MAN1A1: variants seen among roughly 807,000 people sequenced by gnomAD.
MAN1A1 encodes the protein mannosyl-oligosaccharide 1,2-alpha-mannosidase IA.
In MAN1A1, 29 loss-of-function variants were observed where a neutral mutation model predicts 70.8. The ratio of observed to expected loss-of-function variants is 0.41; its 90% confidence interval spans 0.31 to 0.56. The LOEUF (loss-of-function observed/expected upper bound fraction) is 0.56. MAN1A1 is among the 20% of genes least tolerant of loss of function. The pLI, the probability that MAN1A1 is intolerant of heterozygous loss-of-function variation, is 0.29. For missense variants in MAN1A1, 747 were observed against 841.3 expected, an observed-to-expected ratio of 0.89 and a Z score of 1.39; for synonymous variants, 349 against 330.1, an observed-to-expected ratio of 1.06 and a Z score of -0.62.
rs79376304 is a variant in MAN1A1, at chr6:119,192,086, T to C, written c.1326+1691A>G. The stretch of plus-strand genomic sequence containing the variant: ...CTGTCAATGATTTGTCTGAATACAA[T>C]ATACTAAAAGTTGTGTGGGTATGGT... On this transcript the variant is annotated intron_variant, in intron 9 of 12. Transcript: ENST00000368468. Among the ~76,000 whole-genome samples the C allele has an allele frequency of 2.8e-3, 422 of 152,298 alleles. 4 individuals carry two copies. The highest frequency in any genetic ancestry group is 9.4e-3 in the African/African-American group (389 of 41,570).
At position 119,199,753 on chromosome 6, in the gene MAN1A1, A is replaced by AG. The variant is rs1470128651; in HGVS notation, c.1210+1500_1210+1501insC. On this transcript the variant is annotated intron_variant, in intron 8 of 12. Coordinates refer to ENST00000368468, the MANE Select transcript of MAN1A1 (RefSeq NM_005907.4). ...ACCTTCTCTCTACCAAAAAAAAAAA[A>AG]AATTAAAAATTGGCTGAGCATGGCA... Among the ~76,000 whole-genome samples the AG allele has an allele frequency of 1.4e-3, 209 of 151,856 alleles. 1 individual carries two copies. The highest frequency in any genetic ancestry group is 4.9e-3 in the African/African-American group (201 of 41,422).
chr6:119,307,005 A>AT lies in MAN1A1; in HGVS notation c.604-14dup. On this transcript the variant is annotated splice_polypyrimidine_tract_variant and intron_variant, in intron 2 of 12. Transcript: ENST00000368468. Reference sequence around the variant, plus strand: ...CATGTTTCATCATCTGAAAAAAAAAATAAAAACAGGATTATAATTTGAATG... The same window carrying AT: ...CATGTTTCATCATCTGAAAAAAAAAATTAAAAACAGGATTATAATTTGAATG... The AT allele has an allele frequency of 6.7e-7, 1 of 1,503,044 alleles. No homozygotes were observed. Among genetic ancestry groups the AT allele is most frequent in the Non-Finnish European group, 9.2e-7 (1 of 1,082,270 alleles). The allele number at this position is 1,503,044 out of a possible 1,614,324, so 93.1% of individuals were successfully genotyped here.
chr6:119,213,724 T>C (rs1774115556), intron 6 of MAN1A1, among the ~76,000 whole-genome samples: 1 of 152,208 alleles, frequency 6.6e-6, no homozygotes, highest in South Asian at 2.1e-4. Context: ...AGTTACATAA[T>C]AGATGCCATT....
At chr6:119,285,930 T>C (rs1038454904) in intron 5 of MAN1A1, among the ~76,000 whole-genome samples, 1 of 152,226 alleles carries the variant, frequency 6.6e-6, no homozygotes, top group Non-Finnish European at 1.5e-5. Context: ...ACCAGATTGC[T>C]GTTAATGCTC....
intron 9 of MAN1A1, 103 bp downstream of exon 9, chr6:119,193,674 T>C (rs1033789992): frequency 1.6e-5 from 10 of 640,746 alleles, no homozygotes; most frequent in East Asian, 5.8e-5. Context: ...GGAAATACTT[T>C]GTAACTCACT....
At chr6:119,268,434 G>GTT (rs139496159) in intron 5 of MAN1A1, among the ~76,000 whole-genome samples, 1 of 148,986 alleles carries the variant, frequency 6.7e-6, no homozygotes, top group Non-Finnish European at 1.5e-5. Flanking sequence ...GTCCCCAAGT[G>GTT]TTTTTTTTTT....
intron 2 of MAN1A1, among the ~76,000 whole-genome samples, chr6:119,315,689 T>TA (rs1307823514): frequency 6.6e-6 from 1 of 152,214 alleles, no homozygotes; most frequent in African/African-American, 2.4e-5. Context: ...ACTCAAAAGT[T>TA]AGAGGTCAGA....
At chr6:119,246,426 G>A (rs1019162160) in intron 6 of MAN1A1, among the ~76,000 whole-genome samples, 3 of 152,046 alleles carry the variant, frequency 2.0e-5, no homozygotes, top group Non-Finnish European at 4.4e-5. Context: ...TATGTTCATC[G>A]GAATCTGAAA....
At chr6:119,213,792 T>C (rs529635354) in intron 6 of MAN1A1, among the ~76,000 whole-genome samples, 147 of 152,360 alleles carry the variant, frequency 9.6e-4, no homozygotes, top group African/African-American at 3.4e-3. Context: ...CATATCACGG[T>C]AATCCATTAT....
intron 2 of MAN1A1, among the ~76,000 whole-genome samples, chr6:119,348,102 C>T (rs1191935241): frequency 6.6e-6 from 1 of 152,178 alleles, no homozygotes; most frequent in Non-Finnish European, 1.5e-5. Flanking sequence ...CAATCCTTAC[C>T]AGGGGGCTGA....
chr6:119,349,134 G>A lies in MAN1A1; in HGVS notation c.-69C>T, dbSNP rs1773831267. 4 of 1,256,972 alleles carry A rather than the reference G, an allele frequency of 3.2e-6. No individual in the cohort carries two copies. The highest frequency in any genetic ancestry group is 4.0e-6 in the Non-Finnish European group (4 of 1,003,352). The allele number at this position is 1,256,972 out of a possible 1,614,324, so 77.9% of individuals were successfully genotyped here. A position where few individuals can be genotyped will look rare whatever the true frequency, so the allele number is the denominator to read the frequency against. On this transcript the variant is annotated 5_prime_UTR_variant, in exon 2 of 13. Transcript: ENST00000368468. ...CAAACTTCGCCGCCGCTGGGAGTCC[G>A]CGGCTGCGGGGCTGGGTCCTGCGTA...
chr6:119,195,616 G>A (rs997631539), intron 8 of MAN1A1, among the ~76,000 whole-genome samples: 2 of 152,136 alleles, frequency 1.3e-5, no homozygotes, highest in Non-Finnish European at 2.9e-5. Flanking sequence ...AACCAAGAGG[G>A]CAGAGACCAG....
At chr6:119,182,502 C>G (rs1773179093) in intron 11 of MAN1A1, among the ~76,000 whole-genome samples, 1 of 149,886 alleles carries the variant, frequency 6.7e-6, no homozygotes, top group Admixed American at 6.6e-5. Context: ...ACATTTAAGT[C>G]TTTAATTCAT....
At chr6:119,194,841 T>C (rs79295477) in intron 8 of MAN1A1, among the ~76,000 whole-genome samples, 5 of 15,634 alleles carry the variant, frequency 3.2e-4, no homozygotes, top group East Asian at 6.0e-3. Flanking sequence ...TTTTTTTTCT[T>C]TTTTTTTTTT....
At chr6:119,199,756 T>A (rs866898725) in intron 8 of MAN1A1, among the ~76,000 whole-genome samples, 9 of 136,948 alleles carry the variant, frequency 6.6e-5, no homozygotes, top group South Asian at 2.3e-4. Flanking sequence ...AAAAAAAAAA[T>A]TAAAAATTGG....
At position 119,230,626 on chromosome 6, in the gene MAN1A1, AAT is replaced by A. The variant is rs533702534; in HGVS notation, c.992+17632_992+17633del. ...ATTCGAAATGTTTTTGTGATTAACT[AAT>A]GTTTGTCTCTTCCCTAGACTATAAA... On this transcript the variant is annotated intron_variant, in intron 6 of 12. Coordinates refer to ENST00000368468, the MANE Select transcript of MAN1A1 (RefSeq NM_005907.4). 7.2e-4 allele frequency among the ~76,000 whole-genome samples: 110 copies of A among 152,298 alleles called. 1 individual carries two copies. Among genetic ancestry groups the A allele is most frequent in the South Asian group, 1.9e-3 (9 of 4,818 alleles).
intron 5 of MAN1A1, among the ~76,000 whole-genome samples, chr6:119,286,584 T>C (rs538188641): frequency 1.3e-5 from 2 of 152,304 alleles, no homozygotes; most frequent in Admixed American, 1.3e-4. Context: ...GAGGTTATCA[T>C]AGTAAACTCA....
chr6:119,314,964 A>G (rs1263736358), intron 2 of MAN1A1, among the ~76,000 whole-genome samples: 2 of 152,144 alleles, frequency 1.3e-5, no homozygotes, highest in Non-Finnish European at 2.9e-5. Context: ...GAAAACCATG[A>G]ATTCCTCTCC....
At chr6:119,309,005 TGG>T (rs1321992681) in intron 2 of MAN1A1, among the ~76,000 whole-genome samples, 2 of 152,340 alleles carry the variant, frequency 1.3e-5, no homozygotes, top group East Asian at 3.9e-4. Flanking sequence ...TGACACTAAT[TGG>T]TTAGTTTCCT....
Sources: allele counts gnomAD v4.1 joint callset (sites outside exome capture counted in the v4.1 genomes callset), GRCh38; gene constraint gnomAD v4.1.1; transcripts MANE v1.5; gene names NCBI Gene and HGNC (gene_info 2026-07-23, HGNC 2026-07-21).